TBC1D22A: variants seen among roughly 807,000 people sequenced by gnomAD.
TBC1D22A encodes TBC1 domain family member 22A.
Under a neutral mutation model 60.2 loss-of-function variants are expected in TBC1D22A, and 38 were observed. That is an observed-to-expected ratio of 0.63 (90% CI 0.49 to 0.83). The LOEUF is 0.83. TBC1D22A is among the 40% of genes least tolerant of loss of function. The pLI, the probability that TBC1D22A is intolerant of heterozygous loss-of-function variation, is 0.00. For synonymous variants in TBC1D22A, 302 were observed against 281.7 expected (o/e 1.07, Z -0.72); for missense variants, 628 against 701.0 (o/e 0.90, Z 1.18).
intron 4 of TBC1D22A, among the ~76,000 whole-genome samples, chr22:46,869,018 G>A (rs1417603830): frequency 6.6e-6 from 1 of 152,186 alleles, no homozygotes; most frequent in Non-Finnish European, 1.5e-5. Flanking sequence ...GCTCCGTGTT[G>A]GCGTCCCCTT....
chr22:46,877,827 T>C (rs773432317), intron 4 of TBC1D22A, among the ~76,000 whole-genome samples: 3 of 152,342 alleles, frequency 2.0e-5, no homozygotes, highest in Non-Finnish European at 4.4e-5. Flanking sequence ...TTGCTATACC[T>C]AGACATTGAA....
At chr22:46,869,923 AT>A (rs749249831) in intron 4 of TBC1D22A, among the ~76,000 whole-genome samples, 2 of 152,204 alleles carry the variant, frequency 1.3e-5, no homozygotes, top group Non-Finnish European at 2.9e-5. Context: ...TTTGTGACAG[AT>A]TTCTGGTTCA....
At chr22:46,830,901 T>C (rs2086279691) in intron 4 of TBC1D22A, among the ~76,000 whole-genome samples, 1 of 151,904 alleles carries the variant, frequency 6.6e-6, no homozygotes, top group Non-Finnish European at 1.5e-5. Flanking sequence ...GGAGTGGGGA[T>C]GCTGAAGAAA....
chr22:46,988,351 A>G (rs1445563187), intron 9 of TBC1D22A, among the ~76,000 whole-genome samples: 4 of 152,254 alleles, frequency 2.6e-5, no homozygotes, highest in Non-Finnish European at 4.4e-5. Context: ...AATGGCATCT[A>G]GAAAAGCAGG....
intron 4 of TBC1D22A, among the ~76,000 whole-genome samples, chr22:46,833,767 T>A (rs2086406397): frequency 6.6e-6 from 1 of 152,176 alleles, no homozygotes; most frequent in African/African-American, 2.4e-5. Context: ...TCCAGAGCAG[T>A]GAAAGGTCTA....
rs80025963 is a variant in TBC1D22A, at chr22:46,991,879, G to A, written c.1126-5755G>A. On this transcript the variant is annotated intron_variant, in intron 9 of 12. Coordinates refer to ENST00000337137, the MANE Select transcript of TBC1D22A (RefSeq NM_014346.5). ...GGGATGTGACATGCTCCCTCGGGCC[G>A]CCGGGGCTCTGCTGCATGGTGCCTG... Among the ~76,000 whole-genome samples the A allele has an allele frequency of 2.9e-3, 447 of 152,276 alleles. 1 individual carries two copies. The highest frequency in any genetic ancestry group is 0.013 in the South Asian group (62 of 4,824).
chr22:46,824,033 T>A (rs1192265519), intron 4 of TBC1D22A, among the ~76,000 whole-genome samples: 1 of 152,240 alleles, frequency 6.6e-6, no homozygotes, highest in Non-Finnish European at 1.5e-5. Flanking sequence ...ACAGGTGAGA[T>A]GAGTTTTAGT....
At chr22:47,158,035 G>A (rs999112539) in intron 12 of TBC1D22A, among the ~76,000 whole-genome samples, 3 of 152,162 alleles carry the variant, frequency 2.0e-5, no homozygotes, top group South Asian at 2.1e-4. Context: ...CTTCCCCTAC[G>A]GCCATCCTTG....
intron 11 of TBC1D22A, among the ~76,000 whole-genome samples, chr22:47,082,413 TAG>T (rs36118850): frequency 0.44 from 66,323 of 151,776 alleles, 14,820 homozygotes; most frequent in East Asian, 0.58. Context: ...GGATAGATAA[TAG>T]AATAATAGAA....
chr22:46,912,222 T>C (rs746702904), intron 8 of TBC1D22A, 34 bp downstream of exon 8: 7 of 1,489,756 alleles, frequency 4.7e-6, no homozygotes, highest in African/African-American at 1.4e-5. Context: ...ACGTGAACTT[T>C]AGTGGACTTG....
At chr22:47,038,676 T>C (rs549682188) in intron 11 of TBC1D22A, among the ~76,000 whole-genome samples, 1 of 152,258 alleles carries the variant, frequency 6.6e-6, no homozygotes, top group African/African-American at 2.4e-5. Context: ...TGGGTGTGAG[T>C]GTTTTGTGGC....
chr22:47,014,638 G>A (rs1569338510), intron 10 of TBC1D22A, among the ~76,000 whole-genome samples: 1 of 152,228 alleles, frequency 6.6e-6, no homozygotes, highest in South Asian at 2.1e-4. Flanking sequence ...CAGTATCTCC[G>A]CCTGACCAAC....
intron 11 of TBC1D22A, among the ~76,000 whole-genome samples, chr22:47,077,180 G>T (rs2064261449): frequency 6.6e-6 from 1 of 152,202 alleles, no homozygotes; most frequent in Non-Finnish European, 1.5e-5. Context: ...AAGAGTATTT[G>T]GTCGGAAGCT....
chr22:47,076,238 G>A (rs566232115), intron 11 of TBC1D22A, among the ~76,000 whole-genome samples: 6 of 151,790 alleles, frequency 4.0e-5, no homozygotes, highest in African/African-American at 1.4e-4. Flanking sequence ...AGAGAATAAC[G>A]TGAAGCATTT....
intron 11 of TBC1D22A, among the ~76,000 whole-genome samples, chr22:47,087,642 G>T (rs2064750496): frequency 6.6e-6 from 1 of 152,124 alleles, no homozygotes; most frequent in Non-Finnish European, 1.5e-5. Context: ...ATACATATTT[G>T]CACATATATC....
chr22:46,878,443 A>C (rs1163290240), intron 4 of TBC1D22A, among the ~76,000 whole-genome samples: 1 of 146,590 alleles, frequency 6.8e-6, no homozygotes, highest in Non-Finnish European at 1.5e-5. Flanking sequence ...TGTTGTAAAC[A>C]GGTAACCTGT....
At chr22:47,099,080 A>C (rs1178942122) in intron 11 of TBC1D22A, among the ~76,000 whole-genome samples, 1 of 152,238 alleles carries the variant, frequency 6.6e-6, no homozygotes, top group East Asian at 1.9e-4. Context: ...CCCAATGCCA[A>C]GGCTGCTGCA....
At chr22:47,141,507 G>A (rs1012721111) in intron 12 of TBC1D22A, among the ~76,000 whole-genome samples, 10 of 152,216 alleles carry the variant, frequency 6.6e-5, no homozygotes, top group Admixed American at 6.5e-4. Flanking sequence ...AACTTGCTTG[G>A]AGCCACACAG....
chr22:46,768,527 G>A (rs1218871472), intron 1 of TBC1D22A, among the ~76,000 whole-genome samples: 1 of 149,698 alleles, frequency 6.7e-6, no homozygotes, highest in African/African-American at 2.5e-5. Flanking sequence ...TGAAGGTTCA[G>A]TCTCTGACTG....
Sources: allele counts gnomAD v4.1 joint callset (sites outside exome capture counted in the v4.1 genomes callset), GRCh38; gene constraint gnomAD v4.1.1; transcripts MANE v1.5; gene names NCBI Gene and HGNC (gene_info 2026-07-23, HGNC 2026-07-21).